Variants in KCTD8 observed in about 807,000 individuals in gnomAD.
KCTD8 encodes BTB/POZ domain-containing protein KCTD8.
In KCTD8, 27 loss-of-function variants were observed where a neutral mutation model predicts 31.5. The ratio of observed to expected loss-of-function variants is 0.86; its 90% CI spans 0.63 to 1.18. KCTD8 has a LOEUF of 1.18. KCTD8 is among the 50% of genes most tolerant of loss of function. The pLI is 0.00. For missense variants in KCTD8, 658 were observed against 647.7 expected (o/e 1.02, Z -0.17); for synonymous variants, 290 against 280.0 (o/e 1.04, Z -0.36).
At chr4:44,335,750 T>C (rs1297789203) in intron 1 of KCTD8, among the ~76,000 whole-genome samples, 1 of 152,152 alleles carries the variant, frequency 6.6e-6, no homozygotes, top group Non-Finnish European at 1.5e-5. Flanking sequence ...ATTTACAATA[T>C]AGATACAGAT....
At chr4:44,420,583 A>G (rs1333713308) in intron 1 of KCTD8, among the ~76,000 whole-genome samples, 1 of 152,148 alleles carries the variant, frequency 6.6e-6, no homozygotes, top group Non-Finnish European at 1.5e-5. Flanking sequence ...TGAACCCTTG[A>G]GGTAGATGTT....
chr4:44,431,723 T>C (rs1721511713), intron 1 of KCTD8, among the ~76,000 whole-genome samples: 1 of 151,630 alleles, frequency 6.6e-6, no homozygotes, highest in Non-Finnish European at 1.5e-5. Flanking sequence ...TCCTCTAAGA[T>C]GGTCTTTTGG....
Position 44,198,716 on chromosome 4 carries a change from T to G in KCTD8, c.962-23466A>C, listed in dbSNP as rs563657038. 2.0e-4 allele frequency among the ~76,000 whole-genome samples: 30 copies of G among 152,186 alleles called. No individual in the cohort carries two copies. In the South Asian group the frequency reaches 6.0e-3, roughly 30 times the overall value. Reference sequence around the variant, plus strand: ...CTACCACAAAAACACACTAAGGACATAGCTCACAGACAACTTAAAGTGATT... The same window carrying G: ...CTACCACAAAAACACACTAAGGACAGAGCTCACAGACAACTTAAAGTGATT... On this transcript the variant is annotated intron_variant, in intron 1 of 1. Transcript: ENST00000360029.
chr4:44,379,531 T>C (rs1486319397), intron 1 of KCTD8, among the ~76,000 whole-genome samples: 1 of 152,082 alleles, frequency 6.6e-6, no homozygotes, highest in Non-Finnish European at 1.5e-5. Context: ...GATTAGTCCA[T>C]GGAAACTAAA....
chr4:44,270,689 C>T (rs1222467775), intron 1 of KCTD8, among the ~76,000 whole-genome samples: 1 of 152,034 alleles, frequency 6.6e-6, no homozygotes, highest in South Asian at 2.1e-4. Context: ...TAATGAGAAA[C>T]TGCTGAAAGC....
intron 1 of KCTD8, among the ~76,000 whole-genome samples, chr4:44,364,673 T>A (rs561674193): frequency 1.8e-4 from 28 of 152,256 alleles, no homozygotes; most frequent in African/African-American, 6.7e-4. Context: ...AAGATGTCCT[T>A]TAATAGATAA....
chr4:44,217,878 T>C (rs940671355), intron 1 of KCTD8, among the ~76,000 whole-genome samples: 4 of 152,150 alleles, frequency 2.6e-5, no homozygotes, highest in Non-Finnish European at 4.4e-5. Flanking sequence ...GCTTCCCTAC[T>C]TTTGAGGCTT....
At chr4:44,290,786 A>T (rs912235405) in intron 1 of KCTD8, among the ~76,000 whole-genome samples, 2 of 152,084 alleles carry the variant, frequency 1.3e-5, no homozygotes, top group African/African-American at 4.8e-5. Flanking sequence ...ACATCTTACC[A>T]AAAGGTTTGG....
chr4:44,186,905 A>C (rs1008655348), intron 1 of KCTD8, among the ~76,000 whole-genome samples: 15 of 152,250 alleles, frequency 9.9e-5, no homozygotes, highest in Non-Finnish European at 1.8e-4. Context: ...ACAGGGGATT[A>C]CTTTATTCCT....
chr4:44,423,194 A>G (rs1021372682), intron 1 of KCTD8, among the ~76,000 whole-genome samples: 2 of 152,086 alleles, frequency 1.3e-5, no homozygotes, highest in Non-Finnish European at 2.9e-5. Flanking sequence ...TAGTCCTCCT[A>G]CAACAAAGAA....
At chr4:44,401,714 G>C (rs1263344434) in intron 1 of KCTD8, among the ~76,000 whole-genome samples, 1 of 152,126 alleles carries the variant, frequency 6.6e-6, no homozygotes, top group African/African-American at 2.4e-5. Context: ...CATGTAGAAT[G>C]TTCAACACAG....
At chr4:44,349,733 T>C (rs1719150068) in intron 1 of KCTD8, among the ~76,000 whole-genome samples, 1 of 152,162 alleles carries the variant, frequency 6.6e-6, no homozygotes, top group African/African-American at 2.4e-5. Flanking sequence ...CTAATTTTTT[T>C]CCAAGTAATT....
intron 1 of KCTD8, among the ~76,000 whole-genome samples, chr4:44,192,115 A>C (rs1411559967): frequency 6.6e-6 from 1 of 152,198 alleles, no homozygotes; most frequent in Non-Finnish European, 1.5e-5. Flanking sequence ...ATATGCATTG[A>C]AATATTGGGG....
chr4:44,259,639 C>T (rs928610189), intron 1 of KCTD8, among the ~76,000 whole-genome samples: 3 of 151,882 alleles, frequency 2.0e-5, no homozygotes, highest in African/African-American at 4.8e-5. Flanking sequence ...TTTTTGCTAA[C>T]GCAAGTACAG....
chr4:44,427,572 A>ATCTACAG (rs1048351139), intron 1 of KCTD8, among the ~76,000 whole-genome samples: 2 of 151,686 alleles, frequency 1.3e-5, no homozygotes, highest in African/African-American at 4.8e-5. Flanking sequence ...AGAAATAACC[A>ATCTACAG]AATAACCATC....
At chr4:44,195,187 CT>C (rs34829084) in intron 1 of KCTD8, among the ~76,000 whole-genome samples, 30,683 of 147,510 alleles carry the variant, frequency 0.21, 3,289 homozygotes, top group South Asian at 0.33. Context: ...TAAATACATA[CT>C]TTTTTTTTTT....
intron 1 of KCTD8, among the ~76,000 whole-genome samples, chr4:44,257,719 C>T (rs1420946150): frequency 6.6e-6 from 1 of 151,934 alleles, no homozygotes; most frequent in East Asian, 1.9e-4. Flanking sequence ...CTGCTCTCTG[C>T]TTAGAGAGTA....
chr4:44,410,590 A>G (rs1720930082), intron 1 of KCTD8, among the ~76,000 whole-genome samples: 5 of 152,192 alleles, frequency 3.3e-5, no homozygotes. Flanking sequence ...TGCAAAAGAC[A>G]GAGGCTTAAC....
At chr4:44,297,229 C>A (rs946003736) in intron 1 of KCTD8, among the ~76,000 whole-genome samples, 4 of 151,908 alleles carry the variant, frequency 2.6e-5, no homozygotes, top group African/African-American at 9.7e-5. Context: ...ATAATTGGAA[C>A]AAATTAAATC....
Sources: allele counts gnomAD v4.1 joint callset (sites outside exome capture counted in the v4.1 genomes callset), GRCh38; gene constraint gnomAD v4.1.1; transcripts MANE v1.5; gene names NCBI Gene and HGNC (gene_info 2026-07-23, HGNC 2026-07-21).